BICDL1: variants seen among roughly 807,000 people sequenced by gnomAD.
BICDL1 encodes the protein BICD family like cargo adaptor 1, also known as BICD family-like cargo adapter 1.
Under a neutral mutation model 76.8 loss-of-function variants are expected in BICDL1, and 20 were observed. The ratio of observed to expected loss-of-function variants is 0.26; its 90% confidence interval spans 0.18 to 0.38. The LOEUF (loss-of-function observed/expected upper bound fraction) is 0.38, where lower values mean the gene tolerates loss of function less well. BICDL1 is among the 10% of genes least tolerant of loss of function. BICDL1 has a pLI of 1.00. For missense variants in BICDL1, 700 were observed against 798.6 expected (o/e 0.88, Z 1.49); for synonymous variants, 383 against 337.1 (o/e 1.14, Z -1.49).
chr12:120,079,613 ATTATT>A lies in BICDL1; in HGVS notation c.1453-1273_1453-1269del, dbSNP rs1873816977. 6.6e-6 allele frequency among the ~76,000 whole-genome samples: 1 copy of A among 152,226 alleles called. No individual in the cohort carries two copies. The highest frequency in any genetic ancestry group is 2.1e-4 in the South Asian group (1 of 4,836). On this transcript the variant is annotated intron_variant, in intron 7 of 9. Coordinates refer to ENST00000548673, the MANE Select transcript of BICDL1 (RefSeq NM_001367886.1). The surrounding 1 kb of genome is among the most constrained non-coding windows in gnomAD (Gnocchi z 4.3). ...GAGAAGAAGGGGCTCCCACCCTTTC[ATTATT>A]CAATAAATATTTATTGAAAGCTCTA...
At chr12:120,067,219 G>A (rs1953239829) in intron 4 of BICDL1, among the ~76,000 whole-genome samples, 1 of 152,230 alleles carries the variant, frequency 6.6e-6, no homozygotes, top group African/African-American at 2.4e-5. Context: ...ACTCAGCTGG[G>A]CATCTTACAG....
intron 4 of BICDL1, among the ~76,000 whole-genome samples, chr12:120,069,693 T>C (rs539019095): frequency 1.3e-5 from 2 of 152,320 alleles, no homozygotes; most frequent in South Asian, 4.1e-4. Flanking sequence ...CCCTTAATTT[T>C]TTTTTCATGA....
chr12:120,042,463 G>A lies in BICDL1; in HGVS notation c.646-19247G>A, dbSNP rs1187899288. Among the ~76,000 whole-genome samples, 5 of 152,186 alleles carry A rather than the reference G, an allele frequency of 3.3e-5. No homozygotes were observed. In the South Asian group the frequency reaches 8.3e-4, roughly 25 times the overall value. On this transcript the variant is annotated intron_variant, in intron 2 of 9. Coordinates refer to ENST00000548673, the MANE Select transcript of BICDL1 (RefSeq NM_001367886.1). The stretch of plus-strand genomic sequence containing the variant: ...CAGGTTTGGACATGTTGAGTGTGAC[G>A]CACATTAGTGTTCCAAGTGGATGTG...
chr12:120,075,454 C>T (rs1873468086), intron 7 of BICDL1, among the ~76,000 whole-genome samples: 1 of 151,232 alleles, frequency 6.6e-6, no homozygotes, highest in Admixed American at 6.6e-5. Context: ...AGTATAGTGG[C>T]GCAGTCACAG....
At chr12:120,017,715 CAGTG>C (rs762913001) in intron 2 of BICDL1, among the ~76,000 whole-genome samples, 1 of 151,426 alleles carries the variant, frequency 6.6e-6, no homozygotes, top group Non-Finnish European at 1.5e-5. Context: ...CTGGGTGACA[CAGTG>C]AGACCCTGCC....
chr12:120,053,595 G>A (rs1187173118), intron 2 of BICDL1, among the ~76,000 whole-genome samples: 1 of 152,098 alleles, frequency 6.6e-6, no homozygotes, highest in African/African-American at 2.4e-5. Context: ...ATTTTTTCAT[G>A]TGCCACCATC....
intron 2 of BICDL1, among the ~76,000 whole-genome samples, chr12:120,010,870 G>A (rs1480760192): frequency 3.3e-5 from 5 of 152,028 alleles, no homozygotes; most frequent in African/African-American, 4.8e-5. Flanking sequence ...CTTCCTGTGG[G>A]GCTCTTACTG....
At chr12:120,059,032 G>A (rs905936567) in intron 2 of BICDL1, among the ~76,000 whole-genome samples, 4 of 152,002 alleles carry the variant, frequency 2.6e-5, no homozygotes, top group Non-Finnish European at 5.9e-5. Flanking sequence ...AATACAAGAA[G>A]ATAGTATTAC....
In BICDL1 at chr12:120,054,364, C is replaced by A. The variant is rs1952930878; in HGVS notation, c.646-7346C>A. On this transcript the variant is annotated intron_variant, in intron 2 of 9. Coordinates refer to ENST00000548673, the MANE Select transcript of BICDL1 (RefSeq NM_001367886.1). ...TGGTGCTGGGATTACAGGCATGAGC[C>A]ACCTGGCCAGGTTTTCTTTTCTGAA... Among the ~76,000 whole-genome samples the A allele has an allele frequency of 2.0e-5, 3 of 152,114 alleles. No homozygotes were observed. In the South Asian group the frequency reaches 6.2e-4, roughly 31 times the overall value.
chr12:120,037,088 C>T (rs560056550), intron 2 of BICDL1, among the ~76,000 whole-genome samples: 29 of 152,208 alleles, frequency 1.9e-4, no homozygotes, highest in African/African-American at 6.7e-4. Flanking sequence ...ATTTGTTTCA[C>T]TTGGGTTTCA....
rs116616872 is a variant in BICDL1, at chr12:120,090,792, G to C, written c.1704+721G>C. 4.3e-3 allele frequency: 4,089 copies of C among 940,358 alleles called. 76 individuals carry two copies. In the East Asian group the frequency reaches 0.053, roughly 12 times the overall value. 58.3% of individuals were successfully genotyped at this position (940,358 alleles called of 1,614,324 possible). A position where few individuals can be genotyped will look rare whatever the true frequency, so the allele number is the denominator to read the frequency against. ...TTCCTCCCAGGGCCCCATGGGGCTG[G>C]CAGCCAGAACACTGGCCCCACCGCA... On this transcript the variant is annotated intron_variant, in intron 9 of 9. Coordinates refer to ENST00000548673, the MANE Select transcript of BICDL1 (RefSeq NM_001367886.1).
intron 2 of BICDL1, among the ~76,000 whole-genome samples, chr12:120,041,829 A>G (rs1952648639): frequency 6.6e-6 from 1 of 152,206 alleles, no homozygotes; most frequent in Non-Finnish European, 1.5e-5. Flanking sequence ...TGAGTGGAAC[A>G]AAGAGAATGC....
intron 9 of BICDL1, 134 bp from the exon 10 acceptor site, chr12:120,092,866 G>T: frequency 6.9e-7 from 1 of 1,439,696 alleles, no homozygotes. Context: ...CTTGGTCAGG[G>T]CAGTCCCGGC....
chr12:120,063,104 GT>G (rs1358206924), intron 3 of BICDL1, among the ~76,000 whole-genome samples: 2 of 152,106 alleles, frequency 1.3e-5, no homozygotes, highest in Non-Finnish European at 2.9e-5. Context: ...TCCGAACTAA[GT>G]TTTTTTAGGG....
chr12:120,006,610 G>A (rs955345231), intron 2 of BICDL1, among the ~76,000 whole-genome samples: 1 of 152,186 alleles, frequency 6.6e-6, no homozygotes, highest in African/African-American at 2.4e-5. Context: ...AGGAACCTTT[G>A]GGGAGGTGAA....
Position 120,001,459 on chromosome 12 carries a change from G to A in BICDL1, c.645+2723G>A, listed in dbSNP as rs1033331424. ...AATGGGGTTTTACTGTGTTAGCCAG[G>A]ATGGTCTCGATCTCCTGACCTTGTG... On this transcript the variant is annotated intron_variant, in intron 2 of 9. Coordinates refer to ENST00000548673, the MANE Select transcript of BICDL1 (RefSeq NM_001367886.1). Among the ~76,000 whole-genome samples the A allele has an allele frequency of 6.6e-5, 10 of 151,936 alleles. No homozygotes were observed. In the East Asian group the frequency reaches 1.7e-3, roughly 26 times the overall value.
chr12:120,087,870 AATC>A (rs1874560088), intron 8 of BICDL1, among the ~76,000 whole-genome samples: 1 of 152,280 alleles, frequency 6.6e-6, no homozygotes, highest in African/African-American at 2.4e-5. Context: ...ACCCATCAGT[AATC>A]ATCACCCAGA....
chr12:120,076,858 C>T (rs992633763), intron 7 of BICDL1, among the ~76,000 whole-genome samples: 2 of 152,234 alleles, frequency 1.3e-5, no homozygotes, highest in Admixed American at 6.5e-5. Context: ...GCAGGCATGG[C>T]GTTCTGCATG....
At chr12:120,022,129 A>G (rs1952197469) in intron 2 of BICDL1, among the ~76,000 whole-genome samples, 1 of 151,166 alleles carries the variant, frequency 6.6e-6, no homozygotes, top group African/African-American at 2.4e-5. Context: ...AAAGTTTGTC[A>G]GCCTCTGGGT....
Sources: allele counts gnomAD v4.1 joint callset (sites outside exome capture counted in the v4.1 genomes callset), GRCh38; gene constraint gnomAD v4.1.1; non-coding constraint Gnocchi (gnomAD v3.1); transcripts MANE v1.5; gene names NCBI Gene and HGNC (gene_info 2026-07-23, HGNC 2026-07-21).